IGF2BP2: variants seen among roughly 807,000 people sequenced by gnomAD.
The protein encoded by IGF2BP2 is insulin-like growth factor 2 mRNA-binding protein 2.
IGF2BP2 carries 17 observed loss-of-function variants against 75.8 expected under a neutral mutation model. That is an observed-to-expected ratio of 0.22 (90% confidence interval 0.15 to 0.34). The LOEUF is 0.34. Among genes scored for constraint, IGF2BP2 ranks in the 10% least tolerant of loss-of-function variants. The pLI, the probability that IGF2BP2 is intolerant of heterozygous loss-of-function variation, is 1.00. For missense variants in IGF2BP2, 516 were observed against 772.4 expected (o/e 0.67, Z 3.93); for synonymous variants, 288 against 295.6 (o/e 0.97, Z 0.26).
At chr3:185,793,680 G>C (rs1348216155) in intron 2 of IGF2BP2, among the ~76,000 whole-genome samples, 1 of 152,178 alleles carries the variant, frequency 6.6e-6, no homozygotes, top group Non-Finnish European at 1.5e-5. Context: ...AAACTTGAGA[G>C]GAACAGTTAC....
intron 11 of IGF2BP2, 145 bp from the exon 12 acceptor site, chr3:185,657,547 C>A: frequency 1.7e-6 from 1 of 601,728 alleles, no homozygotes; most frequent in East Asian, 2.8e-5. Context: ...TGCACAGGAT[C>A]CTTCTGCGGC....
At chr3:185,778,911 T>G (rs754794459) in intron 2 of IGF2BP2, among the ~76,000 whole-genome samples, 2 of 152,040 alleles carry the variant, frequency 1.3e-5, no homozygotes, top group Non-Finnish European at 2.9e-5. Context: ...CACCAATAAG[T>G]CAACATGGGC....
chr3:185,686,326 G>A (rs1334147313), intron 7 of IGF2BP2, among the ~76,000 whole-genome samples: 5 of 151,858 alleles, frequency 3.3e-5, no homozygotes, highest in Non-Finnish European at 5.9e-5. Context: ...GGAGGTTGCC[G>A]TGAGACAAGA....
intron 2 of IGF2BP2, among the ~76,000 whole-genome samples, chr3:185,757,458 ACTTT>A (rs1279301253): frequency 7.7e-6 from 1 of 130,094 alleles, no homozygotes; most frequent in Non-Finnish European, 1.6e-5. Context: ...TATATCTCAT[ACTTT>A]TTTTTTTTTT....
intron 10 of IGF2BP2, among the ~76,000 whole-genome samples, chr3:185,668,496 G>T (rs1444917535): frequency 5.6e-4 from 69 of 123,680 alleles, no homozygotes; most frequent in African/African-American, 2.1e-3. Flanking sequence ...TCGAGAGAGA[G>T]AGAGAGAGAG....
At chr3:185,737,305 TAATAAAC>T (rs1728984526) in intron 2 of IGF2BP2, among the ~76,000 whole-genome samples, 1 of 152,192 alleles carries the variant, frequency 6.6e-6, no homozygotes, top group Non-Finnish European at 1.5e-5. Flanking sequence ...CACCCTCCCT[TAATAAAC>T]ATTCTAGGTG....
chr3:185,715,832 G>C (rs1160409210), intron 2 of IGF2BP2, among the ~76,000 whole-genome samples: 2 of 152,036 alleles, frequency 1.3e-5, no homozygotes, highest in Non-Finnish European at 2.9e-5. Flanking sequence ...TTTTAGTAGA[G>C]ACGGGGTTTT....
rs1349455955 is a variant in IGF2BP2, at chr3:185,645,555, T to C, written c.1776A>G (p.Gly592=). 9.9e-6 allele frequency: 16 copies of C among 1,613,500 alleles called. No homozygotes were observed. Among genetic ancestry groups the C allele is most frequent in the Non-Finnish European group, 1.4e-5 (16 of 1,179,436 alleles). The change falls in exon 16 of 16, where the codon GGA becomes GGG. Residue 592 remains glycine (G), a synonymous_variant. Coordinates refer to ENST00000382199, the MANE Select transcript of IGF2BP2 (RefSeq NM_006548.6). This position sits in a 1 kb window ranked among gnomAD's most constrained non-coding sequence, Gnocchi z 4.9. ...CTCACTTGCTGCGCTGTGAGGCGAC[T>C]CCCTGAGGGTATTTCTGCTCCTGCT... ...VKQQEQKYPQ[G]VASQRSK
chr3:185,643,769 CTTTT>C lies in IGF2BP2; in HGVS notation c.*1758_*1761del, dbSNP rs1364040148. 7.8e-3 allele frequency: 933 copies of C among 120,350 alleles called. 12 individuals carry two copies. The highest frequency in any genetic ancestry group is 0.028 in the African/African-American group (877 of 30,826). The allele number at this position is 120,350 out of a possible 1,614,324, so 7.5% of individuals were successfully genotyped here. On this transcript the variant is annotated 3_prime_UTR_variant, in exon 16 of 16. Transcript: ENST00000382199. ...TTAGCTGGATATATTTCTGTTTTTT[CTTTT>C]TTTTTCTTTTTTTTTTTTTTTTTTT...
In IGF2BP2 at chr3:185,672,678, A is replaced by AGAAAT; in HGVS notation, c.1072-14_1072-10dup. 1 of 1,614,032 alleles carries AGAAAT rather than the reference A, an allele frequency of 6.2e-7. No individual in the cohort carries two copies. Among genetic ancestry groups the AGAAAT allele is most frequent in the Non-Finnish European group, 8.5e-7 (1 of 1,179,972 alleles). ...ATCAGATTGGCTTGTTGCTGGGAAT[A>AGAAAT]GAAATGGAGAAAAAAGATGAAGGGA... On this transcript the variant is annotated splice_polypyrimidine_tract_variant and intron_variant, in intron 9 of 15. Coordinates refer to ENST00000382199, the MANE Select transcript of IGF2BP2 (RefSeq NM_006548.6).
At position 185,699,710 on chromosome 3, in the gene IGF2BP2, G is replaced by T. The variant is rs548989029; in HGVS notation, c.240-1363C>A. On this transcript the variant is annotated intron_variant, in intron 2 of 15. Transcript: ENST00000382199. Reference sequence around the variant, plus strand: ...TTTTTCACCTGACAGTCATATTCTTGAGATCTTCCTCAAGGTAGAGTTAGA... The same window carrying T: ...TTTTTCACCTGACAGTCATATTCTTTAGATCTTCCTCAAGGTAGAGTTAGA... Among the ~76,000 whole-genome samples the T allele has an allele frequency of 1.4e-3, 215 of 152,074 alleles. 1 individual carries two copies. The highest frequency in any genetic ancestry group is 5.1e-3 in the African/African-American group (210 of 41,488).
At chr3:185,668,372 T>C (rs948275204) in intron 10 of IGF2BP2, among the ~76,000 whole-genome samples, 1 of 151,898 alleles carries the variant, frequency 6.6e-6, no homozygotes, top group Non-Finnish European at 1.5e-5. Context: ...CTTTTTTTAA[T>C]GTGTAAACAT....
intron 7 of IGF2BP2, 55 bp from the exon 8 acceptor site, chr3:185,675,968 C>A: frequency 6.3e-7 from 1 of 1,578,556 alleles, no homozygotes; most frequent in Non-Finnish European, 8.6e-7. Context: ...GGTTGTCTCC[C>A]AAAAACCATT....
At chr3:185,786,964 C>T (rs1008816986) in intron 2 of IGF2BP2, among the ~76,000 whole-genome samples, 1 of 152,116 alleles carries the variant, frequency 6.6e-6, no homozygotes, top group Non-Finnish European at 1.5e-5. Flanking sequence ...AATGTAAAAG[C>T]CTTTCTTAGT....
chr3:185,738,109 T>G (rs954420464), intron 2 of IGF2BP2, among the ~76,000 whole-genome samples: 2 of 152,218 alleles, frequency 1.3e-5, no homozygotes, highest in Non-Finnish European at 2.9e-5. Flanking sequence ...AATTCATAAA[T>G]AAAGGCATGA....
chr3:185,661,384 C>A (rs1033032641), intron 10 of IGF2BP2, among the ~76,000 whole-genome samples: 7 of 152,092 alleles, frequency 4.6e-5, no homozygotes, highest in Admixed American at 4.6e-4. Flanking sequence ...TGCCTGTAAT[C>A]CTAGCACTTT....
Position 185,766,116 on chromosome 3 carries a change from C to G in IGF2BP2, c.239+57037G>C, listed in dbSNP as rs567742870. 7.9e-5 allele frequency among the ~76,000 whole-genome samples: 12 copies of G among 152,220 alleles called. No homozygotes were observed. In the East Asian group the frequency reaches 2.3e-3, roughly 29 times the overall value. On this transcript the variant is annotated intron_variant, in intron 2 of 15. Transcript: ENST00000382199. Reference sequence around the variant, plus strand: ...TAGCAAACTCATCCTTCTCGGGATGCTTTCACCTAAATAAAGCCCAAGGTG... The same window carrying G: ...TAGCAAACTCATCCTTCTCGGGATGGTTTCACCTAAATAAAGCCCAAGGTG...
intron 10 of IGF2BP2, among the ~76,000 whole-genome samples, chr3:185,671,263 G>A (rs1718455668): frequency 6.6e-6 from 1 of 152,128 alleles, no homozygotes; most frequent in South Asian, 2.1e-4. Context: ...AAATGACTCA[G>A]GGGGCTGGGC....
At position 185,647,058 on chromosome 3, in the gene IGF2BP2, G is replaced by A. The variant is rs767385552; in HGVS notation, c.1674C>T (p.Ile558=). 2.8e-5 allele frequency: 45 copies of A among 1,613,850 alleles called. No individual in the cohort carries two copies. The highest frequency in any genetic ancestry group is 3.4e-5 in the Non-Finnish European group (40 of 1,179,860). ...CAAAGAAGTGCCCGATAATTCTGAC[G>A]ATCACTTCCTCATTTTCATCTGGCG... ...DQTPDENEEV[I]VRIIGHFFAS... is the part of the protein sequence containing the mutation. The change falls in exon 15 of 16, where the codon ATC becomes ATT. Residue 558 remains isoleucine (I), a synonymous_variant. Coordinates refer to ENST00000382199, the MANE Select transcript of IGF2BP2 (RefSeq NM_006548.6). The surrounding 1 kb of genome is among the most constrained non-coding windows in gnomAD (Gnocchi z 4.9).
Sources: gnomAD v4.1 joint callset for allele counts (sites outside exome capture counted in the v4.1 genomes callset) on GRCh38, gnomAD v4.1.1 for gene constraint, Gnocchi (gnomAD v3.1) non-coding constraint, MANE v1.5 for transcripts, NCBI Gene and HGNC (gene_info 2026-07-23, HGNC 2026-07-21) for gene names.